The following ADAMTS6 variants were observed in gnomAD, a reference collection of about 807,000 sequenced individuals.
ADAMTS6 encodes ADAM metallopeptidase with thrombospondin type 1 motif 6.
Under a neutral mutation model 144.3 loss-of-function variants are expected in ADAMTS6, and 23 were observed. The observed-to-expected ratio is 0.16, with a 90% CI of 0.11 to 0.23. ADAMTS6 has a LOEUF of 0.23. Ranked by LOEUF, ADAMTS6 falls within the 10% of genes least tolerant of loss-of-function variation. The probability of loss-of-function intolerance (pLI) is 1.00; values close to 1 mark genes in which losing one functional copy is unlikely to be tolerated. For synonymous variants in ADAMTS6, 444 were observed against 457.5 expected, an observed-to-expected ratio of 0.97 and a Z score of 0.38; for missense variants, 999 against 1,379.6, an observed-to-expected ratio of 0.72 and a Z score of 4.37.
chr5:65,456,196 A>G (rs1413811785), intron 4 of ADAMTS6, among the ~76,000 whole-genome samples: 1 of 152,220 alleles, frequency 6.6e-6, no homozygotes, highest in East Asian at 1.9e-4. Context: ...ATCTGTAACT[A>G]CTATCTTTCT....
Position 65,249,191 on chromosome 5 carries a change from T to C in ADAMTS6, c.1831-6985A>G, listed in dbSNP as rs143561375. 3.4e-3 allele frequency among the ~76,000 whole-genome samples: 522 copies of C among 152,260 alleles called. 3 individuals are homozygous for C. Among genetic ancestry groups the C allele is most frequent in the African/African-American group, 0.012 (499 of 41,542 alleles). On this transcript the variant is annotated intron_variant, in intron 14 of 24. Transcript: ENST00000381055. ...GGCAGCTGGTGCCAGGGAGAGGCCATTTCCTGATGGTCCACACCTGTTGCA... is the reference window on the plus strand; with the variant it reads ...GGCAGCTGGTGCCAGGGAGAGGCCACTTCCTGATGGTCCACACCTGTTGCA...
intron 7 of ADAMTS6, among the ~76,000 whole-genome samples, chr5:65,339,810 A>T (rs952320378): frequency 6.6e-6 from 1 of 151,984 alleles, no homozygotes; most frequent in East Asian, 1.9e-4. Flanking sequence ...AGGCAGAAAA[A>T]GTAAAGAAAG....
At chr5:65,207,180 G>A (rs1452560401) in intron 20 of ADAMTS6, among the ~76,000 whole-genome samples, 1 of 152,068 alleles carries the variant, frequency 6.6e-6, no homozygotes, top group Non-Finnish European at 1.5e-5. Flanking sequence ...CCAAAGAACT[G>A]CAAAGCAATG....
At chr5:65,415,202 T>C (rs533699672) in intron 7 of ADAMTS6, among the ~76,000 whole-genome samples, 1 of 152,240 alleles carries the variant, frequency 6.6e-6, no homozygotes, top group African/African-American at 2.4e-5. Flanking sequence ...CCAAAGAAGA[T>C]ATACACATGG....
intron 3 of ADAMTS6, among the ~76,000 whole-genome samples, chr5:65,460,804 A>G (rs1759591238): frequency 6.6e-6 from 1 of 152,194 alleles, no homozygotes. Context: ...TCCCCACTGA[A>G]CGAAGAGAAC....
At position 65,161,824 on chromosome 5, in the gene ADAMTS6, T is replaced by C. The variant is rs73761653; in HGVS notation, c.3244+8793A>G. 9.1e-3 allele frequency among the ~76,000 whole-genome samples: 1,379 copies of C among 152,344 alleles called. 17 individuals are homozygous for C. The highest frequency in any genetic ancestry group is 0.031 in the African/African-American group (1,296 of 41,568). On this transcript the variant is annotated intron_variant, in intron 24 of 24. Coordinates refer to ENST00000381055, the MANE Select transcript of ADAMTS6 (RefSeq NM_197941.4). ...CAAGTTATGACAGATGTATCATTTG[T>C]ACTTTAAATCTAATTTTGTAAAGAG...
chr5:65,221,744 C>A (rs758801480), intron 18 of ADAMTS6, among the ~76,000 whole-genome samples: 4 of 151,972 alleles, frequency 2.6e-5, no homozygotes, highest in Non-Finnish European at 4.4e-5. Flanking sequence ...TAGAGAAAAT[C>A]CAAATGAATT....
At chr5:65,245,673 T>C (rs1759566998) in intron 14 of ADAMTS6, among the ~76,000 whole-genome samples, 1 of 152,166 alleles carries the variant, frequency 6.6e-6, no homozygotes, top group East Asian at 1.9e-4. Context: ...TTCCACATAA[T>C]ATTTTTTCGC....
At chr5:65,298,374 T>C (rs1296855187) in intron 10 of ADAMTS6, among the ~76,000 whole-genome samples, 1 of 152,180 alleles carries the variant, frequency 6.6e-6, no homozygotes, top group Non-Finnish European at 1.5e-5. Context: ...ATCTTGAGCA[T>C]GTTATACAGT....
At chr5:65,160,897 C>T (rs1450882165) in intron 24 of ADAMTS6, among the ~76,000 whole-genome samples, 1 of 151,904 alleles carries the variant, frequency 6.6e-6, no homozygotes, top group Admixed American at 6.6e-5. Context: ...TGTGATCCAC[C>T]CACCTCAGCC....
intron 13 of ADAMTS6, 154 bp downstream of exon 13, chr5:65,262,663 A>T (rs185134645): frequency 5.3e-6 from 4 of 752,382 alleles, no homozygotes; most frequent in Non-Finnish European, 7.5e-6. Flanking sequence ...TCTGTCTAAC[A>T]AAGCTCCTCC....
intron 1 of ADAMTS6, among the ~76,000 whole-genome samples, chr5:65,477,419 T>C (rs1241692893): frequency 6.6e-6 from 1 of 152,204 alleles, no homozygotes; most frequent in Non-Finnish European, 1.5e-5. Flanking sequence ...AAACTTACAA[T>C]ATAGTTGACT....
chr5:65,439,470 C>A (rs144696326), intron 7 of ADAMTS6, among the ~76,000 whole-genome samples: 66 of 152,040 alleles, frequency 4.3e-4, no homozygotes, highest in African/African-American at 1.5e-3. Flanking sequence ...AATGTATAAT[C>A]CTAATTTAAT....
Position 65,242,176 on chromosome 5 carries a change from C to G in ADAMTS6, c.1861G>C (p.Glu621Gln). ...TTGTCAAAGTCTGCACACTGTTTCT[C>G]TCGAAAATCTCGGGAACCCAAAGGG... is the stretch of plus-strand genomic sequence containing the variant. Reference protein sequence around the residue: ...PCPLGSRDFREKQCADFDNMP... With the variant: ...PCPLGSRDFRQKQCADFDNMP... The change falls in exon 15 of 25, where the codon GAG becomes CAG. Residue 621 changes from glutamate to glutamine, a missense_variant. Glu to Gln is a conservative substitution (Grantham distance 29). Around this residue, in one of 3 missense-constraint regions of ADAMTS6, gnomAD observed 619 missense variants for 837.0 expected, o/e 0.74. Coordinates refer to ENST00000381055, the MANE Select transcript of ADAMTS6 (RefSeq NM_197941.4). The G allele has an allele frequency of 6.3e-7, 1 of 1,599,052 alleles. No homozygotes were observed. Among genetic ancestry groups the G allele is most frequent in the East Asian group, 2.2e-5 (1 of 44,598 alleles).
intron 7 of ADAMTS6, among the ~76,000 whole-genome samples, chr5:65,414,916 T>C (rs1755372111): frequency 6.6e-6 from 1 of 152,146 alleles, no homozygotes; most frequent in Admixed American, 6.5e-5. Flanking sequence ...TTTATGACCT[T>C]GTATTAAGCA....
intron 11 of ADAMTS6, among the ~76,000 whole-genome samples, chr5:65,281,668 A>G (rs113648172): frequency 0.032 from 4,806 of 152,204 alleles, 259 homozygotes; most frequent in African/African-American, 0.11. Context: ...GAAATGAACA[A>G]CACTATTTGT....
In ADAMTS6 at chr5:65,460,245, G is replaced by A; in HGVS notation, c.556C>T (p.His186Tyr). The change falls in exon 4 of 25, where the codon CAC (histidine) becomes TAC (tyrosine). Residue 186 changes from histidine to tyrosine, a missense_variant. By Grantham distance (83) the His-to-Tyr change is moderately conservative (BLOSUM62 2). Coordinates refer to ENST00000381055, the MANE Select transcript of ADAMTS6 (RefSeq NM_197941.4). The stretch of plus-strand genomic sequence containing the variant: ...GACTTTTTGTAAATAACATGAGGGT[G>A]GCCATTTTCATAACTAAAATGCTTG... ...DSKHFSYENG[H>Y]PHVIYKKSAL... 6.2e-7 allele frequency: 1 copy of A among 1,613,994 alleles called. No homozygotes were observed. Among genetic ancestry groups the A allele is most frequent in the Non-Finnish European group, 8.5e-7 (1 of 1,179,966 alleles).
chr5:65,261,833 G>A (rs6864610), intron 13 of ADAMTS6, among the ~76,000 whole-genome samples: 2,034 of 151,342 alleles, frequency 0.013, 35 homozygotes, highest in African/African-American at 0.045. Flanking sequence ...AAGCTAAAAA[G>A]AGTAAAAGAA....
intron 7 of ADAMTS6, among the ~76,000 whole-genome samples, chr5:65,422,414 G>A (rs1406347436): frequency 1.3e-5 from 2 of 152,128 alleles, no homozygotes; most frequent in Non-Finnish European, 2.9e-5. Context: ...GGCGGATCAC[G>A]AGGTCAGGAC....
Sources: gnomAD v4.1 joint callset for allele counts (sites outside exome capture counted in the v4.1 genomes callset) on GRCh38, gnomAD v4.1.1 for gene constraint, gnomAD v4.1.1 regional missense constraint, MANE v1.5 for transcripts, NCBI Gene and HGNC (gene_info 2026-07-23, HGNC 2026-07-21) for gene names.